The following TASP1 variants were observed in gnomAD, a reference collection of about 807,000 sequenced individuals.
TASP1 encodes threonine aspartase 1.
A neutral mutation model predicts 56.6 loss-of-function variants in TASP1; 16 were observed. The observed-to-expected ratio is 0.28, with a 90% CI of 0.19 to 0.43. The LOEUF (loss-of-function observed/expected upper bound fraction) is 0.43, where lower values mean the gene tolerates loss of function less well. Ranked by LOEUF, TASP1 falls within the 20% of genes least tolerant of loss-of-function variation. The pLI, the probability that TASP1 is intolerant of heterozygous loss-of-function variation, is 1.00. For missense variants in TASP1, 393 were observed against 511.6 expected (o/e 0.77, Z 2.24); for synonymous variants, 179 against 184.2 (o/e 0.97, Z 0.23).
At chr20:13,154,928 C>T in the TASP1 span, among the ~76,000 whole-genome samples, 1 of 152,166 alleles carries the variant, frequency 6.6e-6, no homozygotes, top group Non-Finnish European at 1.5e-5. Context: ...TGCCTGTAAT[C>T]CCAGCACTTT....
the TASP1 span, among the ~76,000 whole-genome samples, chr20:13,362,004 T>TTTG: frequency 6.7e-6 from 1 of 150,166 alleles, no homozygotes; most frequent in Non-Finnish European, 1.5e-5. Flanking sequence ...TCACCAATCA[T>TTTG]TCTATACCAC....
the TASP1 span, chr20:13,159,882 A>G: frequency 7.6e-7 from 1 of 1,322,902 alleles, no homozygotes. Flanking sequence ...TCCACTTATT[A>G]TCATAAAAAA....
chr20:13,136,006 G>T, the TASP1 span, among the ~76,000 whole-genome samples: 2 of 152,192 alleles, frequency 1.3e-5, no homozygotes, highest in African/African-American at 4.8e-5. Flanking sequence ...AAGAGAAAAG[G>T]TATACAGAAT....
intron 12 of TASP1, among the ~76,000 whole-genome samples, chr20:13,428,149 T>C (rs2042681477): frequency 6.6e-6 from 1 of 152,202 alleles, no homozygotes; most frequent in Non-Finnish European, 1.5e-5. Flanking sequence ...CTGTTTTTCA[T>C]TGATCGCCAC....
At chr20:13,481,621 G>T (rs1395466804) in intron 11 of TASP1, among the ~76,000 whole-genome samples, 3 of 152,064 alleles carry the variant, frequency 2.0e-5, no homozygotes, top group Non-Finnish European at 4.4e-5. Flanking sequence ...ATTTTAACTG[G>T]GGTGAGATAA....
At chr20:13,452,181 C>T (rs1215919867) in intron 11 of TASP1, among the ~76,000 whole-genome samples, 1 of 151,978 alleles carries the variant, frequency 6.6e-6, no homozygotes, top group Non-Finnish European at 1.5e-5. Context: ...GCAAGAATTA[C>T]CAAAATGTGA....
At chr20:13,594,750 T>C (rs1031671182) in intron 4 of TASP1, among the ~76,000 whole-genome samples, 3 of 152,338 alleles carry the variant, frequency 2.0e-5, no homozygotes, top group Non-Finnish European at 2.9e-5. Flanking sequence ...CTACGTCTGA[T>C]TGGTATACCT....
At chr20:13,394,884 T>C (rs2041465424) in intron 13 of TASP1, among the ~76,000 whole-genome samples, 1 of 152,226 alleles carries the variant, frequency 6.6e-6, no homozygotes, top group Non-Finnish European at 1.5e-5. Context: ...ATTAGGGCTA[T>C]ATCTTTTTAT....
At chr20:13,264,182 T>C in the TASP1 span, among the ~76,000 whole-genome samples, 7 of 152,230 alleles carry the variant, frequency 4.6e-5, no homozygotes, top group Non-Finnish European at 8.8e-5. Flanking sequence ...GCCTGTTCTT[T>C]GCCTTTCAGA....
At chr20:13,162,958 G>T in the TASP1 span, among the ~76,000 whole-genome samples, 1 of 152,128 alleles carries the variant, frequency 6.6e-6, no homozygotes, top group Non-Finnish European at 1.5e-5. Context: ...TGTGTTCTGG[G>T]TGGTCTTGGA....
the TASP1 span, among the ~76,000 whole-genome samples, chr20:13,291,088 A>C: frequency 6.6e-6 from 1 of 152,192 alleles, no homozygotes; most frequent in Non-Finnish European, 1.5e-5. Flanking sequence ...TCCAGACTCA[A>C]GGTGGTAGAT....
At chr20:13,488,166 T>G (rs901284964) in intron 10 of TASP1, among the ~76,000 whole-genome samples, 6 of 152,156 alleles carry the variant, frequency 3.9e-5, no homozygotes, top group Middle Eastern at 6.8e-3. Flanking sequence ...GAATAAGAAT[T>G]TTCTAGAATT....
the TASP1 span, among the ~76,000 whole-genome samples, chr20:13,220,258 C>T: frequency 2.6e-5 from 4 of 152,184 alleles, no homozygotes; most frequent in African/African-American, 9.6e-5. Context: ...GGCGGGAGCC[C>T]GAGCAAGGTC....
At chr20:13,153,130 T>C in the TASP1 span, among the ~76,000 whole-genome samples, 1 of 152,226 alleles carries the variant, frequency 6.6e-6, no homozygotes, top group Non-Finnish European at 1.5e-5. Context: ...TTTAATCCTA[T>C]TCATTCTTAT....
At chr20:13,224,841 C>CTTTTTTT in the TASP1 span, among the ~76,000 whole-genome samples, 10 of 107,252 alleles carry the variant, frequency 9.3e-5, no homozygotes, top group Admixed American at 1.9e-4. Context: ...AGCTTTCTTT[C>CTTTTTTT]TTTTTTTTTT....
chr20:13,210,538 A>G, the TASP1 span, among the ~76,000 whole-genome samples: 1 of 151,882 alleles, frequency 6.6e-6, no homozygotes, highest in African/African-American at 2.4e-5. Flanking sequence ...ATTATGTACA[A>G]ATGTCTATAT....
At chr20:13,589,226 T>C (rs2047432806) in intron 4 of TASP1, among the ~76,000 whole-genome samples, 1 of 151,920 alleles carries the variant, frequency 6.6e-6, no homozygotes. Flanking sequence ...CCCAGCTAAT[T>C]TTTTGTATTT....
the TASP1 span, among the ~76,000 whole-genome samples, chr20:13,276,324 T>C: frequency 6.6e-6 from 1 of 152,180 alleles, no homozygotes. Flanking sequence ...AGACTGAGAA[T>C]GGTGTGGGTT....
chr20:13,141,977 T>C, the TASP1 span, among the ~76,000 whole-genome samples: 2 of 152,212 alleles, frequency 1.3e-5, no homozygotes, highest in African/African-American at 4.8e-5. Context: ...ACAACTTGGG[T>C]TTGTCCAATA....
Sources: allele counts gnomAD v4.1 joint callset (sites outside exome capture counted in the v4.1 genomes callset), GRCh38; gene constraint gnomAD v4.1.1; transcripts MANE v1.5; gene names NCBI Gene and HGNC (gene_info 2026-07-23, HGNC 2026-07-21).